Variants in CDH12 observed in about 807,000 individuals in gnomAD.
The protein encoded by CDH12 is cadherin-12.
CDH12 carries 41 observed loss-of-function variants against 74.1 expected under a neutral mutation model. The ratio of observed to expected loss-of-function variants is 0.55; its 90% CI spans 0.43 to 0.72. The LOEUF is 0.72. CDH12 is among the 30% of genes least tolerant of loss of function. CDH12 has a pLI of 0.00. For synonymous variants in CDH12, 399 were observed against 355.0 expected (o/e 1.12, Z -1.39); for missense variants, 945 against 977.2 (o/e 0.97, Z 0.44).
chr5:22,000,126 C>T (rs1349798458), intron 5 of CDH12, among the ~76,000 whole-genome samples: 1 of 151,794 alleles, frequency 6.6e-6, no homozygotes, highest in Non-Finnish European at 1.5e-5. Flanking sequence ...TTTCTTTTTT[C>T]TTATTAAAAT....
In CDH12 at chr5:21,750,992, T is replaced by G. The variant is rs1744014908; in HGVS notation, c.*745A>C. The stretch of plus-strand genomic sequence containing the variant: ...TTTGGAAAAGAAAGTAACATTTTAA[T>G]GAACAGCTTTAATGTGAACTAATGT... On this transcript the variant is annotated 3_prime_UTR_variant, in exon 15 of 15. Transcript: ENST00000382254. The G allele has an allele frequency of 1.3e-5, 2 of 152,102 alleles. No individual in the cohort carries two copies. Among genetic ancestry groups the G allele is most frequent in the South Asian group, 4.1e-4 (2 of 4,822 alleles). The allele number at this position is 152,102 out of a possible 1,614,324, so 9.4% of individuals were successfully genotyped here. A position where few individuals can be genotyped will look rare whatever the true frequency, so the allele number is the denominator to read the frequency against.
intron 4 of CDH12, among the ~76,000 whole-genome samples, chr5:22,085,176 T>A (rs1476824800): frequency 2.6e-5 from 2 of 77,204 alleles, no homozygotes; most frequent in Non-Finnish European, 5.0e-5. Flanking sequence ...GCAGGAGGGA[T>A]TTTTTTTTTT....
At chr5:22,033,227 T>C (rs1738947842) in intron 5 of CDH12, among the ~76,000 whole-genome samples, 2 of 152,126 alleles carry the variant, frequency 1.3e-5, no homozygotes, top group Non-Finnish European at 2.9e-5. Flanking sequence ...TCCAGGAAAT[T>C]TTCTCATTAT....
At chr5:22,337,114 A>G (rs1739619331) in intron 3 of CDH12, among the ~76,000 whole-genome samples, 1 of 152,198 alleles carries the variant, frequency 6.6e-6, no homozygotes, top group Non-Finnish European at 1.5e-5. Flanking sequence ...TCAGACTTGC[A>G]TGGGGCCTGT....
Position 21,925,801 on chromosome 5 carries a change from G to A in CDH12, c.526+49290C>T, listed in dbSNP as rs111514388. ...GTTTAATTAATAAGAGTGAGTATAT[G>A]CACATACCATGCCTCATAACAGTGG... On this transcript the variant is annotated intron_variant, in intron 6 of 14. Transcript: ENST00000382254. 2.7e-3 allele frequency among the ~76,000 whole-genome samples: 404 copies of A among 152,168 alleles called. 3 individuals carry two copies. Among genetic ancestry groups the A allele is most frequent in the African/African-American group, 9.1e-3 (378 of 41,534 alleles).
chr5:22,026,026 G>A (rs1738326562), intron 5 of CDH12, among the ~76,000 whole-genome samples: 1 of 152,034 alleles, frequency 6.6e-6, no homozygotes, highest in Admixed American at 6.6e-5. Flanking sequence ...ATGAGAAGTG[G>A]AATCAATCTC....
At chr5:22,677,305 C>T (rs149744315) in intron 1 of CDH12, among the ~76,000 whole-genome samples, 73 of 152,132 alleles carry the variant, frequency 4.8e-4, no homozygotes, top group Middle Eastern at 3.4e-3. Flanking sequence ...AAATTTATTG[C>T]GCACAGTTAC....
chr5:21,798,463 GC>G (rs1429554932), intron 10 of CDH12, among the ~76,000 whole-genome samples: 1 of 152,086 alleles, frequency 6.6e-6, no homozygotes, highest in Non-Finnish European at 1.5e-5. Context: ...AGACAGATGA[GC>G]TTTTTTAGAG....
intron 3 of CDH12, among the ~76,000 whole-genome samples, chr5:22,396,616 T>C (rs1742473616): frequency 1.3e-5 from 2 of 152,226 alleles, no homozygotes; most frequent in South Asian, 4.1e-4. Context: ...TGAGCAAATT[T>C]GGAGGTAGTT....
chr5:21,978,446 CTT>C (rs1401555797), intron 5 of CDH12, among the ~76,000 whole-genome samples: 1 of 152,002 alleles, frequency 6.6e-6, no homozygotes, highest in Non-Finnish European at 1.5e-5. Context: ...CCCTGCCCTT[CTT>C]TGTTATTTTT....
intron 1 of CDH12, among the ~76,000 whole-genome samples, chr5:22,670,996 G>A (rs1740871652): frequency 1.3e-5 from 2 of 151,372 alleles, no homozygotes; most frequent in African/African-American, 4.9e-5. Context: ...TTAAGATAGG[G>A]TTACTACTAT....
At chr5:21,832,010 C>A (rs572588823) in intron 8 of CDH12, among the ~76,000 whole-genome samples, 2 of 152,098 alleles carry the variant, frequency 1.3e-5, no homozygotes, top group South Asian at 2.1e-4. Context: ...GACCCATGGC[C>A]TTTAACATTA....
At chr5:22,695,648 A>G (rs573691353) in intron 1 of CDH12, among the ~76,000 whole-genome samples, 1 of 152,220 alleles carries the variant, frequency 6.6e-6, no homozygotes, top group African/African-American at 2.4e-5. Context: ...CTTCTTGACA[A>G]TCTTTGGGTA....
At chr5:22,159,556 C>T (rs1748207990) in intron 4 of CDH12, among the ~76,000 whole-genome samples, 1 of 152,092 alleles carries the variant, frequency 6.6e-6, no homozygotes, top group African/African-American at 2.4e-5. Flanking sequence ...TTGACTTAAT[C>T]GCTGCTGATA....
At chr5:22,523,725 T>C (rs937925256) in intron 1 of CDH12, among the ~76,000 whole-genome samples, 1 of 152,106 alleles carries the variant, frequency 6.6e-6, no homozygotes, top group Non-Finnish European at 1.5e-5. Context: ...CCTCATATAA[T>C]TCTCTCTTCT....
At chr5:21,910,400 C>A in intron 6 of CDH12, among the ~76,000 whole-genome samples, 1 of 152,074 alleles carries the variant, frequency 6.6e-6, no homozygotes, top group Non-Finnish European at 1.5e-5. Context: ...TAGACAGTGA[C>A]GCCGCACCTG....
At chr5:22,027,178 T>G (rs1738421832) in intron 5 of CDH12, among the ~76,000 whole-genome samples, 1 of 152,126 alleles carries the variant, frequency 6.6e-6, no homozygotes, top group Admixed American at 6.6e-5. Flanking sequence ...TTGATCATGG[T>G]GGATAAGCTT....
At chr5:22,371,175 A>G (rs1741271364) in intron 3 of CDH12, among the ~76,000 whole-genome samples, 1 of 152,150 alleles carries the variant, frequency 6.6e-6, no homozygotes, top group Non-Finnish European at 1.5e-5. Context: ...AAATTTAGTA[A>G]CTGTAATTTG....
intron 3 of CDH12, among the ~76,000 whole-genome samples, chr5:22,273,271 AT>A (rs1360205926): frequency 1.3e-5 from 2 of 152,184 alleles, no homozygotes; most frequent in African/African-American, 4.8e-5. Context: ...ATTAAAAGTA[AT>A]TTTTGAATTA....
Sources: gnomAD v4.1 joint callset for allele counts (sites outside exome capture counted in the v4.1 genomes callset) on GRCh38, gnomAD v4.1.1 for gene constraint, MANE v1.5 for transcripts, NCBI Gene and HGNC (gene_info 2026-07-23, HGNC 2026-07-21) for gene names.